Variants in STX8 observed in about 807,000 individuals in gnomAD.
STX8 encodes syntaxin-8.
A neutral mutation model predicts 37.5 loss-of-function variants in STX8; 23 were observed. That is an observed-to-expected ratio of 0.61 (90% CI 0.44 to 0.87). STX8 has a LOEUF of 0.87. Ranked by LOEUF, STX8 falls within the 40% of genes least tolerant of loss-of-function variation. STX8 has a pLI of 0.00. For missense variants in STX8, 313 were observed against 284.7 expected, an observed-to-expected ratio of 1.10 and a Z score of -0.71; for synonymous variants, 115 against 99.1, an observed-to-expected ratio of 1.16 and a Z score of -0.95.
chr17:9,322,857 T>C (rs564451266), intron 7 of STX8, among the ~76,000 whole-genome samples: 124 of 148,830 alleles, frequency 8.3e-4, no homozygotes, highest in Non-Finnish European at 1.6e-3. Context: ...AAACCCTCAT[T>C]TGAAGTTGAA....
intron 7 of STX8, among the ~76,000 whole-genome samples, chr17:9,309,953 T>C (rs1909133082): frequency 2.0e-5 from 3 of 152,232 alleles, no homozygotes; most frequent in Admixed American, 6.5e-5. Context: ...ATATACTCTC[T>C]AAGAAGTATT....
At chr17:9,542,961 A>C (rs1044768819) in intron 4 of STX8, among the ~76,000 whole-genome samples, 1 of 152,148 alleles carries the variant, frequency 6.6e-6, no homozygotes, top group Non-Finnish European at 1.5e-5. Context: ...TAACAAAACA[A>C]ACAAGGACCT....
intron 7 of STX8, among the ~76,000 whole-genome samples, chr17:9,360,954 A>G (rs1202343500): frequency 2.0e-5 from 3 of 152,148 alleles, no homozygotes; most frequent in Admixed American, 6.5e-5. Context: ...CCCAACTTCA[A>G]TACAAAGATC....
At chr17:9,334,441 G>A (rs546215241) in intron 7 of STX8, among the ~76,000 whole-genome samples, 75 of 152,224 alleles carry the variant, frequency 4.9e-4, no homozygotes, top group African/African-American at 1.7e-3. Context: ...TTCTCCCAAC[G>A]TTAGTTCAGC....
At chr17:9,380,293 C>T (rs1297989348) in intron 6 of STX8, among the ~76,000 whole-genome samples, 7 of 127,316 alleles carry the variant, frequency 5.5e-5, no homozygotes, top group African/African-American at 2.2e-4. Context: ...GAGGGTCTTG[C>T]TCTGTCACCC....
intron 6 of STX8, among the ~76,000 whole-genome samples, chr17:9,402,129 TTTG>T (rs1266034814): frequency 1.1e-4 from 16 of 148,378 alleles, no homozygotes; most frequent in East Asian, 2.0e-4. Flanking sequence ...TTTATTATTA[TTTG>T]TTTTTAGACA....
At chr17:9,535,441 T>TTTTTTTTTTTC (rs1905998183) in intron 4 of STX8, among the ~76,000 whole-genome samples, 1 of 118,478 alleles carries the variant, frequency 8.4e-6, no homozygotes, top group Admixed American at 8.7e-5. Flanking sequence ...TTTTTTTTTT[T>TTTTTTTTTTTC]TTTTTTTTTG....
chr17:9,298,198 G>A (rs1908636383), intron 7 of STX8, among the ~76,000 whole-genome samples: 1 of 152,170 alleles, frequency 6.6e-6, no homozygotes. Context: ...GAACTGATGG[G>A]AGTCCTTTCC....
At chr17:9,445,518 G>GT (rs1904812464) in intron 6 of STX8, among the ~76,000 whole-genome samples, 1 of 96 alleles carries the variant, frequency 0.01, no homozygotes, top group South Asian at 0.25. Context: ...GGAGGGGGTT[G>GT]GGGGGTGGGG....
At chr17:9,346,584 C>A (rs990024127) in intron 7 of STX8, among the ~76,000 whole-genome samples, 3 of 152,214 alleles carry the variant, frequency 2.0e-5, no homozygotes, top group Non-Finnish European at 2.9e-5. Context: ...CAATGGGGGG[C>A]CCCCTCTAGC....
chr17:9,463,943 T>C (rs1000266380), intron 6 of STX8, among the ~76,000 whole-genome samples: 2 of 148,882 alleles, frequency 1.3e-5, no homozygotes, highest in Non-Finnish European at 3.0e-5. Context: ...GGTGTGGTGG[T>C]GTGCACCTGT....
chr17:9,490,279 A>T (rs1226327255), intron 6 of STX8, among the ~76,000 whole-genome samples: 3 of 152,248 alleles, frequency 2.0e-5, no homozygotes, highest in Non-Finnish European at 4.4e-5. Flanking sequence ...GATGGAGAAT[A>T]GAAGTGTCTG....
intron 5 of STX8, among the ~76,000 whole-genome samples, chr17:9,493,198 G>A (rs773797450): frequency 2.8e-4 from 43 of 152,108 alleles, no homozygotes; most frequent in African/African-American, 9.7e-4. Context: ...CCAGGAGTTC[G>A]AGGCTGCAGT....
intron 7 of STX8, among the ~76,000 whole-genome samples, chr17:9,335,109 T>C (rs1168057918): frequency 6.6e-6 from 1 of 152,162 alleles, no homozygotes; most frequent in Non-Finnish European, 1.5e-5. Context: ...CCCACCACTC[T>C]GACTCATACC....
chr17:9,566,970 C>A (rs987407205), intron 2 of STX8, among the ~76,000 whole-genome samples: 1 of 152,146 alleles, frequency 6.6e-6, no homozygotes, highest in Non-Finnish European at 1.5e-5. Flanking sequence ...ATGTCCTTTG[C>A]AGGAACATGA....
At chr17:9,424,557 C>T (rs1378788534) in intron 6 of STX8, among the ~76,000 whole-genome samples, 1 of 152,034 alleles carries the variant, frequency 6.6e-6, no homozygotes, top group Non-Finnish European at 1.5e-5. Context: ...CTCCATTCTC[C>T]CTCGATCCCC....
chr17:9,544,289 T>G (rs1251610753), intron 4 of STX8, among the ~76,000 whole-genome samples: 1 of 152,096 alleles, frequency 6.6e-6, no homozygotes, highest in Non-Finnish European at 1.5e-5. Flanking sequence ...GGGAGGCCAA[T>G]TCTAAAGAGG....
chr17:9,286,770 T>A (rs934185539), intron 7 of STX8, among the ~76,000 whole-genome samples: 4 of 151,268 alleles, frequency 2.6e-5, no homozygotes, highest in African/African-American at 7.3e-5. Context: ...ATGAATATTG[T>A]TCGGTGTGGT....
chr17:9,475,477 T>C (rs1386621599), intron 6 of STX8, among the ~76,000 whole-genome samples: 1 of 152,178 alleles, frequency 6.6e-6, no homozygotes, highest in African/African-American at 2.4e-5. Context: ...GAGAGCTGTC[T>C]ACAGAACAGC....
Sources: gnomAD v4.1 joint callset for allele counts (sites outside exome capture counted in the v4.1 genomes callset) on GRCh38, gnomAD v4.1.1 for gene constraint, MANE v1.5 for transcripts, NCBI Gene and HGNC (gene_info 2026-07-23, HGNC 2026-07-21) for gene names.